The following MIAT variants were observed in gnomAD, a reference collection of about 807,000 sequenced individuals.
MIAT encodes the protein myocardial infarction associated transcript, also known as MI related novel mRNA.
At chr22:26,670,370 C>T (rs2146018365), downstream of MIAT, 2 of 398,242 alleles carry the variant, frequency 5.0e-6, no homozygotes, top group Non-Finnish European at 8.8e-6. Flanking sequence ...AAAACCAGCT[C>T]ACATGGAGAA....
chr22:26,666,613 G>A (rs1441767555), exon 4 of MIAT: 3 of 398,704 alleles, frequency 7.5e-6, no homozygotes, highest in Non-Finnish European at 1.3e-5. Context: ...ACTTTCTCCT[G>A]GGTCACATTC....
chr22:26,672,547 C>T (rs1172047184), downstream of MIAT: 1 of 398,006 alleles, frequency 2.5e-6, no homozygotes, highest in Non-Finnish European at 4.4e-6. Flanking sequence ...GCCTGTTGGT[C>T]TAGACTCTAG....
chr22:26,657,489 A>C (rs1280936193), intron 2 of MIAT: 5 of 398,654 alleles, frequency 1.3e-5, no homozygotes, highest in Non-Finnish European at 2.2e-5. Context: ...CAGCAGCTAC[A>C]AAGACGACGC....
chr22:26,649,592 A>C (rs1230266803), intron 2 of MIAT, among the ~76,000 whole-genome samples: 4 of 152,216 alleles, frequency 2.6e-5, no homozygotes, highest in African/African-American at 9.6e-5. Flanking sequence ...GTTGATGTCC[A>C]GGGATCATCC....
chr22:26,672,357 G>A (rs1204140848), downstream of MIAT: 6 of 399,080 alleles, frequency 1.5e-5, no homozygotes, highest in Non-Finnish European at 2.2e-5. Flanking sequence ...TAAGATCAGA[G>A]TCCACTGGGC....
chr22:26,662,276 C>T (rs1282124282), intron 2 of MIAT, among the ~76,000 whole-genome samples: 1 of 152,066 alleles, frequency 6.6e-6, no homozygotes, highest in Admixed American at 6.5e-5. Context: ...TTTGAATACA[C>T]CCTCTGCCCC....
chr22:26,659,710 A>T (rs761489719), intron 2 of MIAT, among the ~76,000 whole-genome samples: 3 of 151,060 alleles, frequency 2.0e-5, no homozygotes, highest in South Asian at 2.1e-4. Context: ...AATTTTTATA[A>T]TTTTTTCCGA....
downstream of MIAT, chr22:26,673,704 C>T (rs987990789): frequency 3.8e-5 from 15 of 398,426 alleles, no homozygotes; most frequent in African/African-American, 3.1e-4. Flanking sequence ...ACTTGACTAA[C>T]ACAGGGAAAA....
chr22:26,669,180 C>A (rs1930958679), exon 6 of MIAT: 1 of 398,648 alleles, frequency 2.5e-6, no homozygotes. Context: ...TGCAAGAGAG[C>A]AGCTTGTGGC....
At chr22:26,673,032 C>T (rs1931113069), downstream of MIAT, 2 of 398,508 alleles carry the variant, frequency 5.0e-6, no homozygotes, top group Non-Finnish European at 8.8e-6. Flanking sequence ...GGGAAAGATC[C>T]GTCCCATTCC....
intron 2 of MIAT, among the ~76,000 whole-genome samples, chr22:26,659,832 CTTTCTTTCTTTTTT>C (rs1290739566): frequency 3.7e-5 from 4 of 106,880 alleles, no homozygotes; most frequent in Admixed American, 1.1e-4. Flanking sequence ...TTCTTTCTTT[CTTTCTTTCTTTTTT>C]TTTTTTTTGA....
intron 2 of MIAT, among the ~76,000 whole-genome samples, chr22:26,651,196 G>A (rs1263030751): frequency 1.3e-5 from 2 of 152,198 alleles, no homozygotes; most frequent in Non-Finnish European, 2.9e-5. Flanking sequence ...GCTGAACTCA[G>A]GGAGCCCCAT....
At chr22:26,666,887 A>G in exon 4 of MIAT, 1 of 268,192 alleles carries the variant, frequency 3.7e-6, no homozygotes, top group East Asian at 5.9e-5. Context: ...TGTGTGGGGA[A>G]GGAAGGAGCT....
At chr22:26,652,140 C>T (rs1252160894) in intron 2 of MIAT, among the ~76,000 whole-genome samples, 2 of 152,104 alleles carry the variant, frequency 1.3e-5, no homozygotes, top group African/African-American at 4.8e-5. Context: ...ACCACAGGCA[C>T]ACACTACCAT....
downstream of MIAT, chr22:26,673,419 A>G (rs1419430954): frequency 1.5e-5 from 6 of 398,768 alleles, no homozygotes; most frequent in Non-Finnish European, 2.7e-5. Context: ...GGGGCTGACC[A>G]CTAACAACCA....
downstream of MIAT, chr22:26,672,852 A>G: frequency 2.5e-6 from 1 of 398,512 alleles, no homozygotes; most frequent in Admixed American, 4.4e-5. Context: ...CCAGAGAAAC[A>G]TTTCTCATAT....
At chr22:26,661,268 G>T (rs1930652418) in intron 2 of MIAT, among the ~76,000 whole-genome samples, 1 of 152,154 alleles carries the variant, frequency 6.6e-6, no homozygotes. Context: ...TGAGCTCCGA[G>T]GAACAATAGC....
At chr22:26,669,594 C>T (rs1049783601) in exon 6 of MIAT, 8 of 398,616 alleles carry the variant, frequency 2.0e-5, no homozygotes, top group African/African-American at 1.6e-4. Flanking sequence ...TAGCAGGCTA[C>T]TGCTTCAACA....
intron 5 of MIAT, chr22:26,667,322 G>A (rs1328049966): frequency 1.6e-5 from 6 of 379,950 alleles, no homozygotes; most frequent in Admixed American, 5.1e-5. Context: ...TGAGCTCCTC[G>A]TCCTGGGAGC....
Sources: allele counts gnomAD v4.1 joint callset (sites outside exome capture counted in the v4.1 genomes callset), GRCh38; gene constraint gnomAD v4.1.1; transcripts MANE v1.5; gene names NCBI Gene and HGNC (gene_info 2026-07-23, HGNC 2026-07-21).